DHRSX: variants seen among roughly 807,000 people sequenced by gnomAD.
DHRSX encodes dehydrogenase/reductase X-linked.
Under a neutral mutation model 34.0 loss-of-function variants are expected in DHRSX, and 31 were observed. That is an observed-to-expected ratio of 0.91 (90% CI 0.69 to 1.23). DHRSX has a LOEUF of 1.23. Ranked by LOEUF, DHRSX falls within the 50% of genes most tolerant of loss-of-function variation. DHRSX has a pLI of 0.00. For missense variants in DHRSX, 414 were observed against 428.1 expected, an observed-to-expected ratio of 0.97 and a Z score of 0.29; for synonymous variants, 201 against 183.8, an observed-to-expected ratio of 1.09 and a Z score of -0.76.
chrX:2,245,639 G>T (rs1198877586), intron 5 of DHRSX, among the ~76,000 whole-genome samples: 1 of 149,622 alleles, frequency 6.7e-6, no homozygotes, highest in Non-Finnish European at 1.5e-5. Context: ...ATTGATTGAT[G>T]TCTCCTGTCT....
At chrX:2,330,196 AG>A (rs1310756722) in intron 3 of DHRSX, among the ~76,000 whole-genome samples, 7 of 139,144 alleles carry the variant, frequency 5.0e-5, no homozygotes, top group Non-Finnish European at 3.1e-5. Flanking sequence ...AAGCAGGAGG[AG>A]GGGGAAGAGG....
intron 3 of DHRSX, among the ~76,000 whole-genome samples, chrX:2,406,754 T>C (rs1410190538): frequency 6.6e-6 from 1 of 152,186 alleles, no homozygotes; most frequent in Admixed American, 6.5e-5. Flanking sequence ...TGATGATTTC[T>C]ACAGTTAATT....
rs181875840 is a variant in DHRSX, at chrX:2,229,794, C to T, written c.805-8565G>A. Among the ~76,000 whole-genome samples the T allele has an allele frequency of 8.3e-3, 1,264 of 151,576 alleles. 10 individuals carry two copies. Among genetic ancestry groups the T allele is most frequent in the African/African-American group, 0.028 (1,167 of 41,296 alleles). ...GCGCAGATGTGCGGGTATGGGCCTG[C>T]GTGTGTTTGCACATGTGTATATGTA... On this transcript the variant is annotated intron_variant, in intron 6 of 6. Coordinates refer to ENST00000334651, the MANE Select transcript of DHRSX (RefSeq NM_145177.3).
At chrX:2,316,719 T>C (rs1465260451) in intron 3 of DHRSX, among the ~76,000 whole-genome samples, 2 of 152,166 alleles carry the variant, frequency 1.3e-5, no homozygotes, top group African/African-American at 2.4e-5. Context: ...TGTTCCATTA[T>C]TGGAATGCTA....
chrX:2,407,709 T>G (rs189890205), intron 3 of DHRSX, among the ~76,000 whole-genome samples: 1 of 152,274 alleles, frequency 6.6e-6, no homozygotes, highest in African/African-American at 2.4e-5. Flanking sequence ...ACATTCTTAC[T>G]TATAAGCAGG....
At chrX:2,354,610 C>CA (rs1323692826) in intron 3 of DHRSX, among the ~76,000 whole-genome samples, 1 of 152,128 alleles carries the variant, frequency 6.6e-6, no homozygotes, top group Non-Finnish European at 1.5e-5. Context: ...CACAGGCACC[C>CA]ACCACCACGC....
rs551396219 is a variant in DHRSX, at chrX:2,308,350, A to C, written c.287-16747T>G. On this transcript the variant is annotated intron_variant, in intron 3 of 6. Coordinates refer to ENST00000334651, the MANE Select transcript of DHRSX (RefSeq NM_145177.3). ...TTGATGGTAAAGATACAGAGTATTA[A>C]AAAGGAGGAATTACAATTGTTAAAA... Among the ~76,000 whole-genome samples, 74 of 152,248 alleles carry C rather than the reference A, an allele frequency of 4.9e-4. 2 individuals carry two copies. In the South Asian group the frequency reaches 0.015, roughly 30 times the overall value.
intron 6 of DHRSX, among the ~76,000 whole-genome samples, chrX:2,238,867 G>A (rs1465755219): frequency 1.3e-5 from 2 of 151,880 alleles, no homozygotes; most frequent in African/African-American, 4.8e-5. Flanking sequence ...TTACAGGCAT[G>A]AGACACGGCA....
intron 5 of DHRSX, among the ~76,000 whole-genome samples, chrX:2,248,188 C>T (rs1255672663): frequency 6.6e-6 from 1 of 152,042 alleles, no homozygotes; most frequent in East Asian, 1.9e-4. Flanking sequence ...AATCCCAGCA[C>T]TCTGGGAGGC....
intron 1 of DHRSX, among the ~76,000 whole-genome samples, chrX:2,439,354 G>A (rs762119427): frequency 2.0e-5 from 3 of 151,994 alleles, no homozygotes; most frequent in African/African-American, 7.2e-5. Flanking sequence ...ATATATATAC[G>A]CATTCATCTT....
chrX:2,234,928 C>T (rs1279041108), intron 6 of DHRSX, among the ~76,000 whole-genome samples: 1 of 152,150 alleles, frequency 6.6e-6, no homozygotes, highest in Non-Finnish European at 1.5e-5. Flanking sequence ...TCAGGCTGGT[C>T]TTGAACTCAT....
chrX:2,310,595 T>C (rs2042152336), intron 3 of DHRSX, among the ~76,000 whole-genome samples: 3 of 143,278 alleles, frequency 2.1e-5, no homozygotes, highest in African/African-American at 7.8e-5. Flanking sequence ...AGAGAGAAAA[T>C]AAGCAAGAGA....
chrX:2,486,813 C>T (rs1027738113), intron 1 of DHRSX: 1 of 152,234 alleles, frequency 6.6e-6, no homozygotes, highest in African/African-American at 2.4e-5. Flanking sequence ...GGATTTCTCC[C>T]GTGCTTCCTT....
chrX:2,327,957 GTAGT>G (rs2042407806), intron 3 of DHRSX, among the ~76,000 whole-genome samples: 1 of 152,002 alleles, frequency 6.6e-6, no homozygotes, highest in African/African-American at 2.4e-5. Flanking sequence ...GCACGCACCT[GTAGT>G]TCCAGCTACT....
chrX:2,392,700 A>C (rs2043349216), intron 3 of DHRSX, among the ~76,000 whole-genome samples: 1 of 145,160 alleles, frequency 6.9e-6, no homozygotes, highest in African/African-American at 2.5e-5. Flanking sequence ...CAATAACTAT[A>C]GTTTATACTT....
chrX:2,366,579 T>C (rs971893419), intron 3 of DHRSX, among the ~76,000 whole-genome samples: 3 of 152,170 alleles, frequency 2.0e-5, no homozygotes, highest in African/African-American at 7.2e-5. Context: ...TAGCATTCTT[T>C]GCTGCATCCT....
At chrX:2,499,698 T>A (rs1252248524) in intron 1 of DHRSX, among the ~76,000 whole-genome samples, 1 of 151,654 alleles carries the variant, frequency 6.6e-6, no homozygotes, top group African/African-American at 2.4e-5. Context: ...CTTCGGCCCA[T>A]GAGTTTCAGA....
chrX:2,474,585 C>T (rs1429278886), intron 1 of DHRSX, among the ~76,000 whole-genome samples: 4 of 151,784 alleles, frequency 2.6e-5, no homozygotes, highest in African/African-American at 7.3e-5. Flanking sequence ...ATACTGAAGA[C>T]GATCCCTAAG....
At chrX:2,395,768 G>C (rs1289738150) in intron 3 of DHRSX, among the ~76,000 whole-genome samples, 2 of 152,116 alleles carry the variant, frequency 1.3e-5, no homozygotes, top group Non-Finnish European at 2.9e-5. Context: ...GGGTGACTAT[G>C]TCTCCCCAAG....
Sources: gnomAD v4.1 joint callset for allele counts (sites outside exome capture counted in the v4.1 genomes callset) on GRCh38, gnomAD v4.1.1 for gene constraint, MANE v1.5 for transcripts, NCBI Gene and HGNC (gene_info 2026-07-23, HGNC 2026-07-21) for gene names.